KCNIP4: variants seen among roughly 807,000 people sequenced by gnomAD.
The protein encoded by KCNIP4 is potassium voltage-gated channel interacting protein 4, also known as Kv channel-interacting protein 4.
KCNIP4 carries 12 observed loss-of-function variants against 34.0 expected under a neutral mutation model. The ratio of observed to expected loss-of-function variants is 0.35; its 90% CI spans 0.23 to 0.57. KCNIP4 has a LOEUF of 0.57. KCNIP4 is among the 20% of genes least tolerant of loss of function. The pLI is 0.83. For synonymous variants in KCNIP4, 124 were observed against 102.2 expected (o/e 1.21, Z -1.29); for missense variants, 238 against 311.7 (o/e 0.76, Z 1.78).
intron 3 of KCNIP4, among the ~76,000 whole-genome samples, chr4:20,802,265 TATATATATGCTATATATATATGCA>T (rs1416023649): frequency 9.3e-5 from 9 of 96,358 alleles, no homozygotes; most frequent in East Asian, 3.8e-4. Flanking sequence ...ACATATATGC[TATATATATGCTATATATATATGCA>T]ATATATATAT....
chr4:21,611,772 AC>A (rs1708478468), intron 1 of KCNIP4, among the ~76,000 whole-genome samples: 1 of 152,012 alleles, frequency 6.6e-6, no homozygotes, highest in Non-Finnish European at 1.5e-5. Flanking sequence ...GTGGGGGATA[AC>A]ATTCTTCAAT....
At chr4:21,195,048 C>T (rs1486378803) in intron 1 of KCNIP4, among the ~76,000 whole-genome samples, 1 of 152,166 alleles carries the variant, frequency 6.6e-6, no homozygotes, top group Non-Finnish European at 1.5e-5. Context: ...AACTTCTCTT[C>T]CTCCTTAATG....
rs1488906965 is a variant in KCNIP4 at position 21,850,338 on chromosome 4, A to C, written c.61+98233T>G. On this transcript the variant is annotated intron_variant, in intron 1 of 8. Coordinates refer to ENST00000382152, the MANE Select transcript of KCNIP4 (RefSeq NM_025221.6). ...GGCCTTGTTGTAGAGCCCTACAAAT[A>C]TTCAAATCAATGCTATGATTTGAAT... The C allele has an allele frequency of 1.3e-5, 2 of 152,090 alleles. 1 individual carries two copies. The highest frequency in any genetic ancestry group is 2.9e-5 in the Non-Finnish European group (2 of 67,984). The allele number at this position is 152,090 out of a possible 1,614,324, so 9.4% of individuals were successfully genotyped here.
At chr4:20,743,608 C>T (rs1305459000) in intron 5 of KCNIP4, among the ~76,000 whole-genome samples, 1 of 152,100 alleles carries the variant, frequency 6.6e-6, no homozygotes, top group Non-Finnish European at 1.5e-5. Flanking sequence ...ACACTTTATA[C>T]AAAAATTAAT....
At chr4:21,653,449 A>C (rs1332211116) in intron 1 of KCNIP4, among the ~76,000 whole-genome samples, 1 of 152,222 alleles carries the variant, frequency 6.6e-6, no homozygotes, top group Non-Finnish European at 1.5e-5. Context: ...TCAGTTTTAC[A>C]ATGCCGTAGA....
intron 1 of KCNIP4, among the ~76,000 whole-genome samples, chr4:21,437,704 G>A (rs950519517): frequency 7.2e-5 from 11 of 152,102 alleles, no homozygotes; most frequent in African/African-American, 1.9e-4. Flanking sequence ...AACTAAATAC[G>A]CAGTGATAGT....
intron 1 of KCNIP4, among the ~76,000 whole-genome samples, chr4:21,045,337 T>G (rs1037328650): frequency 1.3e-5 from 2 of 152,226 alleles, no homozygotes; most frequent in Non-Finnish European, 2.9e-5. Flanking sequence ...ATATTCTGCA[T>G]TTCTAACAGG....
intron 5 of KCNIP4, among the ~76,000 whole-genome samples, chr4:20,746,321 A>G (rs1051332739): frequency 2.0e-5 from 3 of 152,028 alleles, no homozygotes; most frequent in African/African-American, 7.2e-5. Context: ...GAATTGAACA[A>G]TGAGAACACA....
At chr4:21,088,337 T>C (rs1746658943) in intron 1 of KCNIP4, among the ~76,000 whole-genome samples, 1 of 152,190 alleles carries the variant, frequency 6.6e-6, no homozygotes, top group African/African-American at 2.4e-5. Context: ...GCTCTGTGCA[T>C]TCTATTTCCT....
At chr4:20,826,262 A>G (rs1336369736) in intron 3 of KCNIP4, among the ~76,000 whole-genome samples, 1 of 152,162 alleles carries the variant, frequency 6.6e-6, no homozygotes, top group Non-Finnish European at 1.5e-5. Flanking sequence ...AGGAGCTTAT[A>G]GAAAGTGAGC....
At chr4:21,769,224 T>A (rs1459348005) in intron 1 of KCNIP4, among the ~76,000 whole-genome samples, 1 of 152,140 alleles carries the variant, frequency 6.6e-6, no homozygotes, top group Non-Finnish European at 1.5e-5. Flanking sequence ...TGGATACTTT[T>A]ATCATTTATA....
chr4:21,650,786 T>C (rs1488052927), intron 1 of KCNIP4, among the ~76,000 whole-genome samples: 2 of 152,232 alleles, frequency 1.3e-5, no homozygotes, highest in East Asian at 1.9e-4. Context: ...GTCAAAGTTA[T>C]GATGTCAGCC....
intron 1 of KCNIP4, among the ~76,000 whole-genome samples, chr4:21,632,924 T>C (rs1008100485): frequency 6.6e-6 from 1 of 152,200 alleles, no homozygotes; most frequent in Admixed American, 6.5e-5. Context: ...TGCATAATTG[T>C]ACATAACACA....
At chr4:21,668,059 G>T (rs1407160477) in intron 1 of KCNIP4, among the ~76,000 whole-genome samples, 1 of 152,182 alleles carries the variant, frequency 6.6e-6, no homozygotes, top group Non-Finnish European at 1.5e-5. Context: ...CCATAAAAAG[G>T]AATGAGATCA....
At chr4:21,032,623 A>G (rs1280794118) in intron 1 of KCNIP4, among the ~76,000 whole-genome samples, 1 of 152,136 alleles carries the variant, frequency 6.6e-6, no homozygotes, top group East Asian at 1.9e-4. Flanking sequence ...CTCATGCTTA[A>G]GCTTCTAGTG....
rs1750956039 is a variant in KCNIP4 at position 21,688,154 on chromosome 4, C to T, written c.61+260417G>A. ...TTTAAAGCAACTACTGTGCAGTACA[C>T]ACTGTGTTTGGGTACAGCTGGTTAA... On this transcript the variant is annotated intron_variant, in intron 1 of 8. Transcript: ENST00000382152. Among the ~76,000 whole-genome samples, 3 of 152,266 alleles carry T rather than the reference C, an allele frequency of 2.0e-5. 1 individual carries two copies. Among genetic ancestry groups the T allele is most frequent in the Middle Eastern group, 6.8e-3 (2 of 294 alleles).
At chr4:21,030,009 G>C (rs141286166) in intron 1 of KCNIP4, among the ~76,000 whole-genome samples, 10 of 152,256 alleles carry the variant, frequency 6.6e-5, no homozygotes, top group African/African-American at 2.4e-4. Flanking sequence ...AAATAGTTCA[G>C]TTGGAGACTC....
intron 1 of KCNIP4, among the ~76,000 whole-genome samples, chr4:21,223,199 TA>T (rs1560187770): frequency 1.3e-5 from 2 of 152,004 alleles, no homozygotes; most frequent in Non-Finnish European, 1.5e-5. Flanking sequence ...AAAGGTGATA[TA>T]ATCCTGGAAG....
At chr4:20,794,357 G>T (rs1161503368) in intron 3 of KCNIP4, among the ~76,000 whole-genome samples, 1 of 152,116 alleles carries the variant, frequency 6.6e-6, no homozygotes, top group Non-Finnish European at 1.5e-5. Flanking sequence ...TTGCTTGCTT[G>T]CTGGCCACTC....
Sources: gnomAD v4.1 joint callset for allele counts (sites outside exome capture counted in the v4.1 genomes callset) on GRCh38, gnomAD v4.1.1 for gene constraint, MANE v1.5 for transcripts, NCBI Gene and HGNC (gene_info 2026-07-23, HGNC 2026-07-21) for gene names.